FGD6: variants seen among roughly 807,000 people sequenced by gnomAD.
FGD6 encodes FYVE, RhoGEF and PH domain containing 6, also known as FYVE, RhoGEF and PH domain-containing protein 6.
Under a neutral mutation model 149.4 loss-of-function variants are expected in FGD6, and 90 were observed. That is an observed-to-expected ratio of 0.60 (90% CI 0.51 to 0.72). The LOEUF is 0.72. Ranked by LOEUF, FGD6 falls within the 30% of genes least tolerant of loss-of-function variation. The pLI is 0.00. For synonymous variants in FGD6, 527 were observed against 584.0 expected, an observed-to-expected ratio of 0.90 and a Z score of 1.41; for missense variants, 1,437 against 1,684.8, an observed-to-expected ratio of 0.85 and a Z score of 2.57.
intron 8 of FGD6, among the ~76,000 whole-genome samples, chr12:95,129,331 C>G (rs553992861): frequency 1.9e-4 from 27 of 144,050 alleles, no homozygotes; most frequent in East Asian, 3.9e-4. Flanking sequence ...ATCCATCCAT[C>G]CATCCATCCA....
chr12:95,119,143 T>C (rs766049067), intron 8 of FGD6, among the ~76,000 whole-genome samples: 5 of 152,170 alleles, frequency 3.3e-5, no homozygotes, highest in Non-Finnish European at 7.3e-5. Context: ...AAATGCTTAC[T>C]CTGCCTGGTC....
chr12:95,119,105 A>C (rs1879108169), intron 8 of FGD6, among the ~76,000 whole-genome samples: 1 of 151,920 alleles, frequency 6.6e-6, no homozygotes, highest in Admixed American at 6.6e-5. Context: ...TCTTTAGATG[A>C]TGATGATGAT....
chr12:95,174,901 T>TG (rs1881088171), intron 2 of FGD6, among the ~76,000 whole-genome samples: 1 of 113,272 alleles, frequency 8.8e-6, no homozygotes, highest in Non-Finnish European at 1.6e-5. Context: ...CACTCCAGCC[T>TG]GGGCGACAGA....
rs1422832828 is a variant in FGD6, at chr12:95,153,934, TGTGTGTGTGTGTGA to T, written c.2587-955_2587-942del. On this transcript the variant is annotated intron_variant, in intron 3 of 20. Coordinates refer to ENST00000343958, the MANE Select transcript of FGD6 (RefSeq NM_018351.4). ...ATTCGTGTGTGTGTGTGTGTGTGTG[TGTGTGTGTGTGTGA>T]GTGAGAGAGAGAAGAGACAGAGAGA... Among the ~76,000 whole-genome samples the T allele has an allele frequency of 2.0e-3, 261 of 130,528 alleles. 1 individual carries two copies. Among genetic ancestry groups the T allele is most frequent in the Admixed American group, 3.3e-3 (43 of 13,144 alleles). 85.6% of individuals were successfully genotyped at this position (130,528 alleles called of 152,430 possible).
At chr12:95,201,617 G>A (rs77571575) in intron 2 of FGD6, among the ~76,000 whole-genome samples, 4,554 of 152,136 alleles carry the variant, frequency 0.03, 140 homozygotes, top group Middle Eastern at 0.099. Flanking sequence ...TACAAGAAGT[G>A]CAAATACTTA....
At chr12:95,153,106 C>G in intron 3 of FGD6, 113 bp from the exon 4 acceptor site, 4 of 804,048 alleles carry the variant, frequency 5.0e-6, no homozygotes, top group Non-Finnish European at 8.1e-6. Flanking sequence ...TCCTAGCACA[C>G]AGTTCATACC....
chr12:95,169,391 A>T (rs7977816), intron 3 of FGD6, among the ~76,000 whole-genome samples: 131,955 of 151,050 alleles, frequency 0.87, 57,894 homozygotes, highest in African/African-American at 0.96. Context: ...ATAGTCCTTT[A>T]AAAAAAAAAA....
intron 2 of FGD6, among the ~76,000 whole-genome samples, chr12:95,198,672 G>C (rs775992528): frequency 6.6e-6 from 1 of 152,158 alleles, no homozygotes; most frequent in African/African-American, 2.4e-5. Flanking sequence ...ATCTGACCTC[G>C]AGATCCACCA....
chr12:95,169,096 AC>A (rs1880913111), intron 3 of FGD6, among the ~76,000 whole-genome samples: 1 of 152,220 alleles, frequency 6.6e-6, no homozygotes, highest in African/African-American at 2.4e-5. Context: ...AATTATTAGT[AC>A]TAGTGGCATC....
intron 2 of FGD6, among the ~76,000 whole-genome samples, chr12:95,192,323 G>A (rs1049506000): frequency 6.6e-6 from 1 of 152,182 alleles, no homozygotes; most frequent in African/African-American, 2.4e-5. Flanking sequence ...AGTTGGTGCT[G>A]TGCAACAGTA....
chr12:95,089,421 G>C (rs2241724), intron 18 of FGD6, 148 bp downstream of exon 18: 153,710 of 983,474 alleles, frequency 0.16, 13,466 homozygotes, highest in Non-Finnish European at 0.18. Context: ...AGATTGTGAG[G>C]CATCAGCCAC....
chr12:95,200,450 C>CCA lies in FGD6; in HGVS notation c.2441+8391_2441+8392dup, dbSNP rs1404784893. Among the ~76,000 whole-genome samples the CCA allele has an allele frequency of 3.3e-5, 5 of 152,246 alleles. No homozygotes were observed. The East Asian group carries it at 9.6e-4, about 29-fold the overall frequency. On this transcript the variant is annotated intron_variant, in intron 2 of 20. Transcript: ENST00000343958. The stretch of plus-strand genomic sequence containing the variant: ...GACCCTTGAAGATGAGGGCTCAGAA[C>CCA]CACTAATCCATCGCATTTCCATCAC...
chr12:95,211,326 G>T, intron 1 of FGD6, 59 bp from the exon 2 acceptor site: 4 of 1,498,798 alleles, frequency 2.7e-6, no homozygotes, highest in South Asian at 1.4e-5. Context: ...AATGATACAT[G>T]ATTAAATCTG....
intron 2 of FGD6, among the ~76,000 whole-genome samples, chr12:95,201,955 TACACACACACACACACACACACAC>T (rs71078621): frequency 3.4e-5 from 5 of 146,562 alleles, no homozygotes; most frequent in South Asian, 4.4e-4. Flanking sequence ...CAGGACAGAA[TACACACACACACACACACACACAC>T]ACACACACAC....
At chr12:95,102,720 T>C (rs1450614688) in intron 14 of FGD6, among the ~76,000 whole-genome samples, 1 of 152,174 alleles carries the variant, frequency 6.6e-6, no homozygotes, top group East Asian at 1.9e-4. Flanking sequence ...ATGACTCTTG[T>C]GGTCCTCTGA....
intron 2 of FGD6, among the ~76,000 whole-genome samples, chr12:95,197,128 T>G (rs1881753780): frequency 6.6e-6 from 1 of 151,864 alleles, no homozygotes; most frequent in Non-Finnish European, 1.5e-5. Context: ...AGTATCCAGG[T>G]CCTACTCTCT....
chr12:95,109,740 G>A (rs925709295), intron 9 of FGD6, among the ~76,000 whole-genome samples: 10 of 152,066 alleles, frequency 6.6e-5, no homozygotes, highest in African/African-American at 2.2e-4. Flanking sequence ...GCTCATGTCT[G>A]CAGTCCAGCA....
intron 14 of FGD6, among the ~76,000 whole-genome samples, chr12:95,095,599 A>C (rs1034449913): frequency 2.0e-5 from 3 of 152,140 alleles, no homozygotes; most frequent in African/African-American, 7.2e-5. Flanking sequence ...TGAGAGAAAG[A>C]AAGACTTTAA....
chr12:95,159,557 G>A (rs1386642749), intron 3 of FGD6, among the ~76,000 whole-genome samples: 7 of 152,202 alleles, frequency 4.6e-5, no homozygotes, highest in Non-Finnish European at 1.0e-4. Context: ...ACTCTGATAG[G>A]GCTGGGAGTG....
Sources: gnomAD v4.1 joint callset for allele counts (sites outside exome capture counted in the v4.1 genomes callset) on GRCh38, gnomAD v4.1.1 for gene constraint, MANE v1.5 for transcripts, NCBI Gene and HGNC (gene_info 2026-07-23, HGNC 2026-07-21) for gene names.